NTM: variants seen among roughly 807,000 people sequenced by gnomAD.
NTM encodes IgLON family member 2.
NTM carries 13 observed loss-of-function variants against 42.1 expected under a neutral mutation model. The observed-to-expected ratio is 0.31, with a 90% CI of 0.20 to 0.49. The LOEUF (loss-of-function observed/expected upper bound fraction) is 0.49. Among genes scored for constraint, NTM ranks in the 20% least tolerant of loss-of-function variants. The pLI, the probability that NTM is intolerant of heterozygous loss-of-function variation, is 0.99. For synonymous variants in NTM, 187 were observed against 179.2 expected, an observed-to-expected ratio of 1.04 and a Z score of -0.35; for missense variants, 373 against 452.8, an observed-to-expected ratio of 0.82 and a Z score of 1.60.
chr11:132,104,258 T>C (rs1332266953), intron 2 of NTM, among the ~76,000 whole-genome samples: 1 of 152,198 alleles, frequency 6.6e-6, no homozygotes, highest in Non-Finnish European at 1.5e-5. Flanking sequence ...CATGAGGCTA[T>C]GTACCAAAAT....
At chr11:131,690,333 T>C (rs2074493765) in intron 1 of NTM, among the ~76,000 whole-genome samples, 1 of 151,902 alleles carries the variant, frequency 6.6e-6, no homozygotes. Flanking sequence ...ATGTAGCAGG[T>C]AGAGATGTGA....
At chr11:131,993,571 G>T (rs764056449) in intron 2 of NTM, among the ~76,000 whole-genome samples, 4 of 152,178 alleles carry the variant, frequency 2.6e-5, no homozygotes, top group Non-Finnish European at 5.9e-5. Flanking sequence ...TGTAATCATT[G>T]TTTGCAAATG....
intron 3 of NTM, among the ~76,000 whole-genome samples, chr11:132,208,352 C>A (rs971836706): frequency 6.6e-6 from 1 of 152,186 alleles, no homozygotes; most frequent in South Asian, 2.1e-4. Context: ...GGATTGCTCC[C>A]CTAGTCAAAC....
chr11:131,954,377 C>G (rs932959184), intron 2 of NTM, among the ~76,000 whole-genome samples: 2 of 152,192 alleles, frequency 1.3e-5, no homozygotes, highest in Non-Finnish European at 2.9e-5. Flanking sequence ...AGTGAGGCTG[C>G]AGGCCAAGCC....
intron 1 of NTM, among the ~76,000 whole-genome samples, chr11:131,543,849 G>A (rs1057388853): frequency 6.6e-6 from 1 of 152,208 alleles, no homozygotes; most frequent in African/African-American, 2.4e-5. Context: ...CTTATGGCAG[G>A]CACATTAATG....
In NTM at chr11:131,390,533, A is replaced by G. The variant is rs759092362; in HGVS notation, c.82+19645A>G. On this transcript the variant is annotated intron_variant, in intron 1 of 8. Transcript: ENST00000683400. The stretch of plus-strand genomic sequence containing the variant: ...GTGATGTAAAATTTGGGAGGAATTA[A>G]TTAGCATTCAGTGATTTACTTCAAA... Among the ~76,000 whole-genome samples the G allele has an allele frequency of 2.0e-5, 3 of 152,186 alleles. No individual in the cohort carries two copies. The South Asian group carries it at 6.2e-4, about 32-fold the overall frequency.
rs556778228 is a variant in NTM, at chr11:132,105,213, C to G, written c.168-41069C>G. Among the ~76,000 whole-genome samples the G allele has an allele frequency of 6.8e-4, 103 of 151,540 alleles. 1 individual carries two copies. Among genetic ancestry groups the G allele is most frequent in the African/African-American group, 2.4e-3 (98 of 41,278 alleles). ...ACAGCTGAAGGAGCACGAGTTGAGA[C>G]CTGAAGTCTGAACATGGCTTAAGAT... On this transcript the variant is annotated intron_variant, in intron 2 of 8. Coordinates refer to ENST00000683400, the MANE Select transcript of NTM (RefSeq NM_001352005.2).
In NTM at chr11:131,775,205, C is replaced by G. The variant is rs554384225; in HGVS notation, c.83-136359C>G. The stretch of plus-strand genomic sequence containing the variant: ...TTTGAAAATATTCAGAAAAACGATG[C>G]CTGTCTCCCACAAATGTTAGATTTG... On this transcript the variant is annotated intron_variant, in intron 1 of 8. Transcript: ENST00000683400. 5.3e-5 allele frequency among the ~76,000 whole-genome samples: 8 copies of G among 152,336 alleles called. No individual in the cohort carries two copies. The East Asian group carries it at 1.3e-3, about 26-fold the overall frequency.
intron 4 of NTM, among the ~76,000 whole-genome samples, chr11:132,231,938 G>T (rs1397500320): frequency 6.6e-6 from 1 of 152,176 alleles, no homozygotes; most frequent in Non-Finnish European, 1.5e-5. Flanking sequence ...AATGGATAGG[G>T]CAGTGCAGTG....
At chr11:131,559,818 G>A (rs984200534) in intron 1 of NTM, among the ~76,000 whole-genome samples, 17 of 152,110 alleles carry the variant, frequency 1.1e-4, no homozygotes, top group African/African-American at 3.4e-4. Context: ...AACATGAGAG[G>A]CTCACTTTCG....
At chr11:131,911,473 C>T (rs754344288) in intron 1 of NTM, 91 bp from the exon 2 acceptor site, 64 of 1,613,944 alleles carry the variant, frequency 4.0e-5, no homozygotes, top group Non-Finnish European at 5.0e-5. Flanking sequence ...GAAGTTGTGG[C>T]TGTCGAGAAT....
intron 1 of NTM, among the ~76,000 whole-genome samples, chr11:131,819,595 C>A (rs1038275825): frequency 1.1e-4 from 16 of 152,198 alleles, no homozygotes; most frequent in African/African-American, 1.9e-4. Flanking sequence ...ACCAGAGGCA[C>A]TTTCCAAGTT....
intron 4 of NTM, among the ~76,000 whole-genome samples, chr11:132,251,826 G>A (rs1356455234): frequency 1.3e-5 from 2 of 152,216 alleles, no homozygotes; most frequent in Non-Finnish European, 2.9e-5. Flanking sequence ...GAATTTTCTG[G>A]CTTGTCAAAG....
chr11:131,467,433 T>C (rs1408621849), intron 1 of NTM, among the ~76,000 whole-genome samples: 1 of 152,190 alleles, frequency 6.6e-6, no homozygotes, highest in East Asian at 1.9e-4. Context: ...CTCCAGACAT[T>C]GGTTTTACAC....
intron 4 of NTM, among the ~76,000 whole-genome samples, chr11:132,235,768 T>C (rs2088699262): frequency 6.6e-6 from 1 of 152,156 alleles, no homozygotes; most frequent in South Asian, 2.1e-4. Context: ...TTTTTAAAAG[T>C]GAACCCCCTG....
chr11:131,933,735 A>G (rs1338124690), intron 2 of NTM, among the ~76,000 whole-genome samples: 1 of 152,140 alleles, frequency 6.6e-6, no homozygotes, highest in Non-Finnish European at 1.5e-5. Context: ...TCTTAATATC[A>G]AAGTCCCGTG....
intron 1 of NTM, among the ~76,000 whole-genome samples, chr11:131,681,669 CTG>C (rs2072923730): frequency 1.5e-5 from 1 of 68,814 alleles, no homozygotes; most frequent in African/African-American, 3.6e-5. Flanking sequence ...GTATGTCTCC[CTG>C]TGTGTGTGAG....
At chr11:131,790,760 C>G (rs1488735321) in intron 1 of NTM, among the ~76,000 whole-genome samples, 1 of 152,176 alleles carries the variant, frequency 6.6e-6, no homozygotes, top group Non-Finnish European at 1.5e-5. Flanking sequence ...TGTGGGAATT[C>G]TCTCCATAGC....
In NTM at chr11:131,435,785, T is replaced by C. The variant is rs186305820; in HGVS notation, c.82+64897T>C. ...TAATTGAATACCCTTTATTTCTTTC[T>C]CTTGCCTGATTGCCCTGGCCAGAAT... On this transcript the variant is annotated intron_variant, in intron 1 of 8. Coordinates refer to ENST00000683400, the MANE Select transcript of NTM (RefSeq NM_001352005.2). 4.8e-3 allele frequency among the ~76,000 whole-genome samples: 729 copies of C among 152,346 alleles called. 4 individuals are homozygous for C. Among genetic ancestry groups the C allele is most frequent in the Non-Finnish European group, 7.8e-3 (534 of 68,034 alleles).
Sources: gnomAD v4.1 joint callset for allele counts (sites outside exome capture counted in the v4.1 genomes callset) on GRCh38, gnomAD v4.1.1 for gene constraint, MANE v1.5 for transcripts, NCBI Gene and HGNC (gene_info 2026-07-23, HGNC 2026-07-21) for gene names.